The following ADAMTS18 variants were observed in gnomAD, a reference collection of about 807,000 sequenced individuals.
ADAMTS18 encodes the protein A disintegrin and metalloproteinase with thrombospondin motifs 18.
A neutral mutation model predicts 165.9 loss-of-function variants in ADAMTS18; 157 were observed. That is an observed-to-expected ratio of 0.95 (90% CI 0.83 to 1.08). The LOEUF is 1.08. Ranked by LOEUF, ADAMTS18 falls within the 50% of genes least tolerant of loss-of-function variation. The pLI is 0.00. For missense variants in ADAMTS18, 2,040 were observed against 1,534.0 expected (o/e 1.33, Z -5.51); for synonymous variants, 782 against 578.2 (o/e 1.35, Z -5.06).
At position 77,283,820 on chromosome 16, in the gene ADAMTS18, C is replaced by T. The variant is rs1368132171; in HGVS notation, c.*136G>A. The T allele has an allele frequency of 6.7e-5, 47 of 700,914 alleles. No homozygotes were observed. The highest frequency in any genetic ancestry group is 9.9e-5 in the Non-Finnish European group (39 of 393,956). 43.4% of individuals were successfully genotyped at this position (700,914 alleles called of 1,614,324 possible). ...GCCTACTGGCAACCTGTCTGTTCCT[C>T]AGAGCAGGCTCCTTCATCACAGCGG... is the stretch of plus-strand genomic sequence containing the variant. On this transcript the variant is annotated 3_prime_UTR_variant, in exon 23 of 23. Transcript: ENST00000282849.
chr16:77,284,106 G>C (rs1330614999), intron 22 of ADAMTS18, 35 bp from the exon 23 acceptor site: 3 of 1,445,612 alleles, frequency 2.1e-6, no homozygotes, highest in Middle Eastern at 3.5e-4. Context: ...ATGTTGGCTA[G>C]GGTGTCTATC....
Position 77,283,781 on chromosome 16 carries a change from G to A in ADAMTS18, c.*175C>T, listed in dbSNP as rs371053753. 3.3e-6 allele frequency: 2 copies of A among 608,856 alleles called. No individual in the cohort carries two copies. Among genetic ancestry groups the A allele is most frequent in the Non-Finnish European group, 5.9e-6 (2 of 340,346 alleles). 37.7% of individuals were successfully genotyped at this position (608,856 alleles called of 1,614,324 possible). A position where few individuals can be genotyped will look rare whatever the true frequency, so the allele number is the denominator to read the frequency against. ...GCTTCAGAGTACCACGTGCTTCAGG[G>A]AATTGAGCTAGAAGCCTACTGGCAA... On this transcript the variant is annotated 3_prime_UTR_variant, in exon 23 of 23. Transcript: ENST00000282849.
intron 7 of ADAMTS18, among the ~76,000 whole-genome samples, 155 bp downstream of exon 7, chr16:77,361,950 G>C (rs964122694): frequency 5.3e-5 from 8 of 151,910 alleles, no homozygotes; most frequent in African/African-American, 1.7e-4. Context: ...CAGTTAAAAA[G>C]AACAATAGTC....
At chr16:77,356,345 T>C (rs1043501583) in intron 8 of ADAMTS18, among the ~76,000 whole-genome samples, 3 of 152,112 alleles carry the variant, frequency 2.0e-5, no homozygotes, top group East Asian at 1.9e-4. Flanking sequence ...GGCTGGAAAA[T>C]TTTGCTCAAG....
chr16:77,394,283 T>A (rs544288656), intron 3 of ADAMTS18, among the ~76,000 whole-genome samples: 4 of 152,206 alleles, frequency 2.6e-5, no homozygotes, highest in Non-Finnish European at 5.9e-5. Flanking sequence ...CTGGTGGTCA[T>A]AGAACAGGTA....
At chr16:77,293,388 C>T (rs111578126) in intron 19 of ADAMTS18, 130 bp from the exon 20 acceptor site, 28 of 804,078 alleles carry the variant, frequency 3.5e-5, no homozygotes, top group Middle Eastern at 4.9e-4. Context: ...GCTCTTTTTA[C>T]GAGATCTACT....
intron 3 of ADAMTS18, among the ~76,000 whole-genome samples, chr16:77,376,189 C>T (rs1425355962): frequency 6.6e-6 from 1 of 152,186 alleles, no homozygotes; most frequent in Non-Finnish European, 1.5e-5. Context: ...AGGCATGAGC[C>T]ACTGCACCCG....
At chr16:77,302,145 T>C (rs959946946) in intron 16 of ADAMTS18, among the ~76,000 whole-genome samples, 1 of 151,984 alleles carries the variant, frequency 6.6e-6, no homozygotes, top group Admixed American at 6.6e-5. Context: ...TTTGAATAAA[T>C]AGTATGCTTT....
chr16:77,314,173 A>C (rs1038634144), intron 16 of ADAMTS18, among the ~76,000 whole-genome samples: 4 of 152,172 alleles, frequency 2.6e-5, no homozygotes, highest in Non-Finnish European at 4.4e-5. Flanking sequence ...GGGTATCTCC[A>C]GTTAGGAAGA....
At chr16:77,340,398 C>T (rs1477167277) in intron 11 of ADAMTS18, among the ~76,000 whole-genome samples, 1 of 152,094 alleles carries the variant, frequency 6.6e-6, no homozygotes, top group Non-Finnish European at 1.5e-5. Context: ...TAGTCTTGAA[C>T]TTCTGACCTC....
chr16:77,415,771 C>A (rs183028473), intron 3 of ADAMTS18, among the ~76,000 whole-genome samples: 12 of 145,968 alleles, frequency 8.2e-5, no homozygotes, highest in African/African-American at 2.5e-4. Context: ...ATTTTTGAGT[C>A]CCCACATAAA....
rs965243561 is a variant in ADAMTS18, at chr16:77,293,321, A to C, written c.3007-63T>G. The C allele has an allele frequency of 6.5e-5, 88 of 1,345,580 alleles. 1 individual carries two copies. Among genetic ancestry groups the C allele is most frequent in the Non-Finnish European group, 8.2e-5 (77 of 941,894 alleles). 83.4% of individuals were successfully genotyped at this position (1,345,580 alleles called of 1,614,324 possible). ...AGGTTTCAGTAGCCACATTAAAAAAAAAAACAACACACTAAATATATTCCT... is the reference window on the plus strand; with the variant it reads ...AGGTTTCAGTAGCCACATTAAAAAACAAAACAACACACTAAATATATTCCT... On this transcript the variant is annotated intron_variant, in intron 19 of 22. Coordinates refer to ENST00000282849, the MANE Select transcript of ADAMTS18 (RefSeq NM_199355.4).
At chr16:77,416,814 G>C (rs1034584244) in intron 3 of ADAMTS18, among the ~76,000 whole-genome samples, 7 of 152,166 alleles carry the variant, frequency 4.6e-5, no homozygotes, top group Non-Finnish European at 8.8e-5. Context: ...CAGAAGAGAT[G>C]AAAGAGTCAT....
At chr16:77,322,245 C>T in intron 14 of ADAMTS18, 91 bp downstream of exon 14, 1 of 1,499,770 alleles carries the variant, frequency 6.7e-7, no homozygotes, top group South Asian at 1.1e-5. Context: ...CTTCTCCAGA[C>T]ACACAATCTC....
intron 12 of ADAMTS18, among the ~76,000 whole-genome samples, chr16:77,331,272 T>G (rs2056184548): frequency 6.6e-6 from 1 of 152,190 alleles, no homozygotes; most frequent in South Asian, 2.1e-4. Flanking sequence ...CCAGCAGAGC[T>G]ATTGAATTAG....
At position 77,282,904 on chromosome 16, in the gene ADAMTS18, C is replaced by CTT. The variant is rs1331401019; in HGVS notation, c.*1051_*1052insAA. On this transcript the variant is annotated 3_prime_UTR_variant, in exon 23 of 23. Coordinates refer to ENST00000282849, the MANE Select transcript of ADAMTS18 (RefSeq NM_199355.4). Reference sequence around the variant, plus strand: ...TACCACTGTTTACTCCTTTCTTTCTCTCTTTTTTTTTTTTTTTTTTTTGCT... The same window carrying CTT: ...TACCACTGTTTACTCCTTTCTTTCTCTTTCTTTTTTTTTTTTTTTTTTTTGCT... 9.4e-4 allele frequency: 73 copies of CTT among 77,756 alleles called. No homozygotes were observed. The highest frequency in any genetic ancestry group is 1.8e-3 in the Non-Finnish European group (66 of 36,944). The allele number at this position is 77,756 out of a possible 1,614,324, so 4.8% of individuals were successfully genotyped here.
At chr16:77,368,048 T>C (rs989270488) in intron 3 of ADAMTS18, among the ~76,000 whole-genome samples, 1 of 152,190 alleles carries the variant, frequency 6.6e-6, no homozygotes, top group African/African-American at 2.4e-5. Flanking sequence ...AAATCACTTT[T>C]ACACTTTTTA....
At chr16:77,343,165 T>A (rs546001812) in intron 10 of ADAMTS18, among the ~76,000 whole-genome samples, 3 of 151,418 alleles carry the variant, frequency 2.0e-5, no homozygotes, top group African/African-American at 7.3e-5. Context: ...CCCCGCCTCC[T>A]GGGTTCAAGC....
chr16:77,325,415 G>A (rs1038826416), intron 13 of ADAMTS18, among the ~76,000 whole-genome samples: 1 of 152,054 alleles, frequency 6.6e-6, no homozygotes, highest in Admixed American at 6.6e-5. Flanking sequence ...CTGTGTGTGT[G>A]TCTGCGTGCA....
Sources: gnomAD v4.1 joint callset for allele counts (sites outside exome capture counted in the v4.1 genomes callset) on GRCh38, gnomAD v4.1.1 for gene constraint, MANE v1.5 for transcripts, NCBI Gene and HGNC (gene_info 2026-07-23, HGNC 2026-07-21) for gene names.